Variants in PRKD1 observed in about 807,000 individuals in gnomAD.
PRKD1 encodes the protein serine/threonine-protein kinase D1.
PRKD1 carries 63 observed loss-of-function variants against 95.9 expected under a neutral mutation model. The ratio of observed to expected loss-of-function variants is 0.66; its 90% CI spans 0.54 to 0.81. PRKD1 has a LOEUF of 0.81. Ranked by LOEUF, PRKD1 falls within the 30% of genes least tolerant of loss-of-function variation. PRKD1 has a pLI of 0.00. For synonymous variants in PRKD1, 425 were observed against 423.1 expected (o/e 1.00, Z -0.05); for missense variants, 1,048 against 1,165.3 (o/e 0.90, Z 1.47).
At chr14:29,684,655 T>C (rs895062640) in intron 2 of PRKD1, among the ~76,000 whole-genome samples, 3 of 152,186 alleles carry the variant, frequency 2.0e-5, no homozygotes, top group African/African-American at 7.2e-5. Flanking sequence ...CTATATGTGT[T>C]TACCAAGATA....
intron 16 of PRKD1, among the ~76,000 whole-genome samples, chr14:29,584,295 G>A (rs1272630240): frequency 6.6e-6 from 1 of 151,420 alleles, no homozygotes; most frequent in African/African-American, 2.4e-5. Context: ...TTTGTATGCA[G>A]AAGGTAGATT....
At chr14:29,829,048 G>A (rs988453864) in intron 1 of PRKD1, among the ~76,000 whole-genome samples, 5 of 152,142 alleles carry the variant, frequency 3.3e-5, no homozygotes, top group African/African-American at 7.2e-5. Context: ...CCCAGGCCAC[G>A]CATTATGAAC....
At chr14:29,580,650 T>G (rs534235130) in intron 16 of PRKD1, among the ~76,000 whole-genome samples, 9 of 152,234 alleles carry the variant, frequency 5.9e-5, no homozygotes, top group African/African-American at 2.2e-4. Context: ...AAATATCCTT[T>G]TTATTAATCA....
At chr14:29,779,109 A>C (rs895398106) in intron 1 of PRKD1, among the ~76,000 whole-genome samples, 10 of 152,194 alleles carry the variant, frequency 6.6e-5, no homozygotes, top group Non-Finnish European at 8.8e-5. Flanking sequence ...AAAAACTCTC[A>C]ATAAATTAGG....
chr14:29,612,894 C>T (rs1312489192), intron 13 of PRKD1, among the ~76,000 whole-genome samples: 3 of 152,170 alleles, frequency 2.0e-5, no homozygotes, highest in Non-Finnish European at 2.9e-5. Flanking sequence ...GTCAGGAGAT[C>T]GAGACCATCC....
At chr14:29,912,121 T>C (rs1170522049) in intron 1 of PRKD1, among the ~76,000 whole-genome samples, 2 of 152,172 alleles carry the variant, frequency 1.3e-5, no homozygotes, top group African/African-American at 4.8e-5. Context: ...ACTTTTAAGG[T>C]CTTATGCGAT....
intron 1 of PRKD1, among the ~76,000 whole-genome samples, chr14:29,729,918 AC>A (rs1253810278): frequency 6.6e-6 from 1 of 152,126 alleles, no homozygotes. Context: ...TAAAGATAAG[AC>A]CTAAAACTAT....
chr14:29,630,554 T>A, intron 10 of PRKD1, 188 bp downstream of exon 10: 1 of 669,068 alleles, frequency 1.5e-6, no homozygotes, highest in Non-Finnish European at 2.5e-6. Context: ...AATAGGATAA[T>A]TTAACAAACT....
rs796569132 is a variant in PRKD1, at chr14:29,647,202, T to C, written c.697-8298A>G. Among the ~76,000 whole-genome samples, 8 of 152,270 alleles carry C rather than the reference T, an allele frequency of 5.3e-5. No homozygotes were observed. In the South Asian group the frequency reaches 1.2e-3, roughly 24 times the overall value. On this transcript the variant is annotated intron_variant, in intron 4 of 17. Transcript: ENST00000331968. The stretch of plus-strand genomic sequence containing the variant: ...GCTTTCAAAGTAATAACATATATAA[T>C]CTCTTACTAAAATACAAGGTGATCT...
At chr14:29,798,389 GA>G (rs1456056455) in intron 1 of PRKD1, among the ~76,000 whole-genome samples, 1 of 152,108 alleles carries the variant, frequency 6.6e-6, no homozygotes, top group African/African-American at 2.4e-5. Flanking sequence ...TCTGTGGTTG[GA>G]GCTTCTAATT....
intron 2 of PRKD1, among the ~76,000 whole-genome samples, chr14:29,711,564 CT>C (rs1410008563): frequency 6.6e-6 from 1 of 152,104 alleles, no homozygotes; most frequent in Non-Finnish European, 1.5e-5. Flanking sequence ...AATATATTAA[CT>C]GCTTAAAACC....
At chr14:29,598,963 A>T in intron 15 of PRKD1, 64 bp downstream of exon 15, 1 of 1,305,738 alleles carries the variant, frequency 7.7e-7, no homozygotes, top group Non-Finnish European at 1.1e-6. Context: ...AGGTGACAAG[A>T]TGCTACATGG....
At chr14:29,840,271 G>T (rs527399502) in intron 1 of PRKD1, among the ~76,000 whole-genome samples, 3 of 152,254 alleles carry the variant, frequency 2.0e-5, no homozygotes, top group Non-Finnish European at 4.4e-5. Flanking sequence ...AGGGCAAAAT[G>T]CTATCAGTCT....
intron 7 of PRKD1, 29 bp from the exon 8 acceptor site, chr14:29,634,570 A>G (rs1183336302): frequency 6.2e-7 from 1 of 1,612,998 alleles, no homozygotes; most frequent in African/African-American, 1.3e-5. Context: ...TGTAGGGAAA[A>G]AATGTTTTCA....
chr14:29,685,110 G>A (rs1178865225), intron 2 of PRKD1, among the ~76,000 whole-genome samples: 6 of 152,190 alleles, frequency 3.9e-5, no homozygotes, highest in Non-Finnish European at 7.3e-5. Flanking sequence ...TTCTCAGGCT[G>A]CAGGGCCAAT....
At chr14:29,905,482 G>GA (rs551740246) in intron 1 of PRKD1, among the ~76,000 whole-genome samples, 2,424 of 145,574 alleles carry the variant, frequency 0.017, 69 homozygotes, top group African/African-American at 0.057. Context: ...TTGCCAGCAG[G>GA]AAAAAAAAAA....
At chr14:29,584,413 T>C (rs1281535065) in intron 16 of PRKD1, among the ~76,000 whole-genome samples, 1 of 152,156 alleles carries the variant, frequency 6.6e-6, no homozygotes, top group African/African-American at 2.4e-5. Context: ...GTTCCCCAGG[T>C]CACACCTTTC....
chr14:29,884,612 A>C (rs1213686664), intron 1 of PRKD1, among the ~76,000 whole-genome samples: 1 of 152,212 alleles, frequency 6.6e-6, no homozygotes, highest in Non-Finnish European at 1.5e-5. Flanking sequence ...ATTTGCCCCA[A>C]AGACAAATAT....
At chr14:29,641,236 T>C (rs1286144762) in intron 4 of PRKD1, among the ~76,000 whole-genome samples, 3 of 152,202 alleles carry the variant, frequency 2.0e-5, no homozygotes, top group African/African-American at 7.2e-5. Context: ...ATGTAATTTA[T>C]AGTGTCAGAA....
Sources: gnomAD v4.1 joint callset for allele counts (sites outside exome capture counted in the v4.1 genomes callset) on GRCh38, gnomAD v4.1.1 for gene constraint, MANE v1.5 for transcripts, NCBI Gene and HGNC (gene_info 2026-07-23, HGNC 2026-07-21) for gene names.